KLHDC8A: variants seen among roughly 807,000 people sequenced by gnomAD.
KLHDC8A encodes the protein kelch domain-containing protein 8A.
In KLHDC8A, 21 loss-of-function variants were observed where a neutral mutation model predicts 33.1. The observed-to-expected ratio is 0.64, with a 90% confidence interval of 0.45 to 0.91. The LOEUF is 0.91. KLHDC8A is among the 40% of genes least tolerant of loss of function. The pLI, the probability that KLHDC8A is intolerant of heterozygous loss-of-function variation, is 0.00. For missense variants in KLHDC8A, 435 were observed against 483.3 expected, an observed-to-expected ratio of 0.90 and a Z score of 0.94; for synonymous variants, 173 against 193.5, an observed-to-expected ratio of 0.89 and a Z score of 0.88.
intron 1 of KLHDC8A, among the ~76,000 whole-genome samples, chr1:205,354,064 G>A (rs1663196206): frequency 6.6e-6 from 1 of 152,172 alleles, no homozygotes; most frequent in Non-Finnish European, 1.5e-5. Flanking sequence ...GCTGGTTTGG[G>A]CTACCCCCAT....
rs762386151 is a variant in KLHDC8A at position 205,339,264 on chromosome 1, G to C, written c.687C>G (p.Gly229=). 4 of 1,614,180 alleles carry C rather than the reference G, an allele frequency of 2.5e-6. No individual in the cohort carries two copies. The highest frequency in any genetic ancestry group is 2.2e-5 in the East Asian group (1 of 44,878). ...TLDNHLYSLG[G]LRQGRLYRQP... is the part of the protein sequence containing the mutation. ...GCCGGTAGAGGCGACCTTGCCGCAG[G>C]CCTCCTAGGCTGTACAAGTGGTTGT... The change falls in exon 4 of 6, where the codon GGC becomes GGG. Residue 229 remains glycine, a synonymous_variant. Transcript: ENST00000367155. The surrounding 1 kb of genome is among the most constrained non-coding windows in gnomAD (Gnocchi z 5.1).
Position 205,339,527 on chromosome 1 carries a change from G to C in KLHDC8A, c.541+117C>G. The C allele has an allele frequency of 7.0e-7, 1 of 1,420,116 alleles. No homozygotes were observed. Among genetic ancestry groups the C allele is most frequent in the Non-Finnish European group, 9.8e-7 (1 of 1,024,580 alleles). 88.0% of individuals were successfully genotyped at this position (1,420,116 alleles called of 1,614,324 possible). A position where few individuals can be genotyped will look rare whatever the true frequency, so the allele number is the denominator to read the frequency against. On this transcript the variant is annotated intron_variant, in intron 3 of 5. Transcript: ENST00000367155. This position sits in a 1 kb window ranked among gnomAD's most constrained non-coding sequence, Gnocchi z 5.1. ...TCATACAGGAAGCTCCCGGTGGGCT[G>C]GGCAGTGTGATTATCCCCAGTGCCG...
intron 1 of KLHDC8A, among the ~76,000 whole-genome samples, chr1:205,355,446 A>G (rs1663240208): frequency 1.3e-5 from 2 of 152,116 alleles, no homozygotes; most frequent in African/African-American, 4.8e-5. Flanking sequence ...ATAGAACTTC[A>G]TCTATAACTA....
chr1:205,340,115 A>G (rs1662751570), intron 2 of KLHDC8A, among the ~76,000 whole-genome samples: 1 of 152,062 alleles, frequency 6.6e-6, no homozygotes, highest in South Asian at 2.1e-4. Context: ...CCTGGGCTCA[A>G]GAGATCTTCC....
intron 1 of KLHDC8A, chr1:205,348,622 C>G (rs1406180860): frequency 6.6e-6 from 1 of 152,162 alleles, no homozygotes. Flanking sequence ...AATCTACTTT[C>G]TAGAGTTGTA....
chr1:205,339,861 C>T lies in KLHDC8A; in HGVS notation c.377-53G>A, dbSNP rs1265459737. On this transcript the variant is annotated intron_variant, in intron 2 of 5. Transcript: ENST00000367155. This position sits in a 1 kb window ranked among gnomAD's most constrained non-coding sequence, Gnocchi z 5.1. Reference sequence around the variant, plus strand: ...GGCTTAGCTCACAGGTACAGCAAGACAGGCCCACCAGCATCTATTGCCTCC... The same window carrying T: ...GGCTTAGCTCACAGGTACAGCAAGATAGGCCCACCAGCATCTATTGCCTCC... 4.5e-6 allele frequency: 7 copies of T among 1,555,342 alleles called. No individual in the cohort carries two copies. The highest frequency in any genetic ancestry group is 4.5e-5 in the East Asian group (2 of 44,216).
rs746179707 is a variant in KLHDC8A at position 205,339,251 on chromosome 1, G to A, written c.700C>T (p.Arg234Cys). 6.0e-5 allele frequency: 97 copies of A among 1,614,064 alleles called. No homozygotes were observed. The Admixed American group carries it at 9.5e-4, about 16-fold the overall frequency. The change falls in exon 4 of 6, where the codon CGC (arginine) becomes TGC (cysteine). Residue 234 changes from arginine to cysteine, a missense_variant. Coordinates refer to ENST00000367155, the MANE Select transcript of KLHDC8A (RefSeq NM_018203.3). The surrounding 1 kb of genome is among the most constrained non-coding windows in gnomAD (Gnocchi z 5.1). ...AGGAACTTGGGCTGCCGGTAGAGGC[G>A]ACCTTGCCGCAGGCCTCCTAGGCTG... ...LYSLGGLRQGRLYRQPKFLRT... is the reference protein window; with the variant it reads ...LYSLGGLRQGCLYRQPKFLRT...
intron 1 of KLHDC8A, among the ~76,000 whole-genome samples, chr1:205,355,524 T>A (rs1036791412): frequency 6.6e-6 from 1 of 152,214 alleles, no homozygotes; most frequent in Non-Finnish European, 1.5e-5. Flanking sequence ...ATATTTTGTA[T>A]AATTTGAACC....
chr1:205,350,571 A>G (rs940742958), intron 1 of KLHDC8A, among the ~76,000 whole-genome samples: 1 of 152,164 alleles, frequency 6.6e-6, no homozygotes, highest in Non-Finnish European at 1.5e-5. Context: ...AGGCTGCAGC[A>G]GACCACTCAG....
At chr1:205,354,254 AC>A (rs1274219663) in intron 1 of KLHDC8A, among the ~76,000 whole-genome samples, 1 of 152,122 alleles carries the variant, frequency 6.6e-6, no homozygotes, top group African/African-American at 2.4e-5. Flanking sequence ...TATTTTCATC[AC>A]CTTTTAGCTT....
At chr1:205,353,949 G>A (rs985745193) in intron 1 of KLHDC8A, among the ~76,000 whole-genome samples, 4 of 152,186 alleles carry the variant, frequency 2.6e-5, no homozygotes, top group Admixed American at 1.3e-4. Context: ...ACAGGATGCT[G>A]GATTCAAACT....
At chr1:205,344,261 G>A (rs1574910275) in intron 1 of KLHDC8A, 2 of 152,436 alleles carry the variant, frequency 1.3e-5, no homozygotes, top group East Asian at 3.9e-4. Flanking sequence ...GCGCGCCGCT[G>A]TCACACATGC....
chr1:205,352,101 G>A (rs1026583642), intron 1 of KLHDC8A, among the ~76,000 whole-genome samples: 7 of 152,054 alleles, frequency 4.6e-5, no homozygotes, highest in African/African-American at 7.2e-5. Context: ...CACTCAGCCC[G>A]GGCCCTCCAG....
rs75475555 is a variant in KLHDC8A, at chr1:205,342,180, G to A, written c.376+1049C>T. On this transcript the variant is annotated intron_variant, in intron 2 of 5. Transcript: ENST00000367155. Reference sequence around the variant, plus strand: ...TACACTGCTTCTCTCTAAAATCAGAGTAATACTAGCACTTACCTGTATACA... The same window carrying A: ...TACACTGCTTCTCTCTAAAATCAGAATAATACTAGCACTTACCTGTATACA... 3.2e-3 allele frequency among the ~76,000 whole-genome samples: 491 copies of A among 152,332 alleles called. 4 individuals carry two copies. The highest frequency in any genetic ancestry group is 0.014 in the Middle Eastern group (4 of 294).
rs775918751 is a variant in KLHDC8A, at chr1:205,337,551, G to T, written c.901C>A (p.Pro301Thr). The change falls in exon 6 of 6, where the codon CCA becomes ACA. Residue 301 changes from proline to threonine, a missense_variant. By Grantham distance (38) the Pro-to-Thr change is conservative. Transcript: ENST00000367155. ...TVLETAEAFH[P>T]GKNKWEILPA... Reference sequence around the variant, plus strand: ...AGGATCTCCCATTTGTTCTTCCCTGGGTGGAATGCTTCCGCCGTCTCCAGG... The same window carrying T: ...AGGATCTCCCATTTGTTCTTCCCTGTGTGGAATGCTTCCGCCGTCTCCAGG... 3 of 1,613,756 alleles carry T rather than the reference G, an allele frequency of 1.9e-6. No individual in the cohort carries two copies. Among genetic ancestry groups the T allele is most frequent in the Non-Finnish European group, 2.5e-6 (3 of 1,179,912 alleles).
chr1:205,356,160 T>C (rs1663269488), intron 1 of KLHDC8A, among the ~76,000 whole-genome samples: 1 of 143,726 alleles, frequency 7.0e-6, no homozygotes, highest in South Asian at 2.3e-4. Flanking sequence ...AGGGTTTACC[T>C]CCCACGTTTG....
At chr1:205,348,069 G>T (rs1335213515) in intron 1 of KLHDC8A, among the ~76,000 whole-genome samples, 1 of 152,046 alleles carries the variant, frequency 6.6e-6, no homozygotes, top group Non-Finnish European at 1.5e-5. Flanking sequence ...ATTTGTTAAG[G>T]TCTAATTTAC....
intron 1 of KLHDC8A, chr1:205,351,599 A>G: frequency 1.0e-5 from 3 of 288,606 alleles, no homozygotes; most frequent in African/African-American, 5.0e-5. Flanking sequence ...CTTCTGTAAT[A>G]GTCAAAAAAA....
intron 1 of KLHDC8A, among the ~76,000 whole-genome samples, chr1:205,354,485 G>T (rs1395146271): frequency 6.6e-6 from 1 of 152,164 alleles, no homozygotes; most frequent in Non-Finnish European, 1.5e-5. Context: ...AGGGCAGACA[G>T]GAGATGTTCT....
Sources: gnomAD v4.1 joint callset for allele counts (sites outside exome capture counted in the v4.1 genomes callset) on GRCh38, gnomAD v4.1.1 for gene constraint, Gnocchi (gnomAD v3.1) non-coding constraint, MANE v1.5 for transcripts, NCBI Gene and HGNC (gene_info 2026-07-23, HGNC 2026-07-21) for gene names.